CUX1: variants seen among roughly 807,000 people sequenced by gnomAD.
CUX1 encodes protein CASP.
CUX1 carries 31 observed loss-of-function variants against 158.8 expected under a neutral mutation model. That is an observed-to-expected ratio of 0.20 (90% CI 0.15 to 0.26). CUX1 has a LOEUF of 0.26. Among genes scored for constraint, CUX1 ranks in the 10% least tolerant of loss-of-function variants. The pLI is 1.00. For synonymous variants in CUX1, 879 were observed against 862.1 expected (o/e 1.02, Z -0.34); for missense variants, 1,589 against 2,014.6 (o/e 0.79, Z 4.04).
chr7:102,208,662 C>A (rs1796187807), intron 20 of CUX1, among the ~76,000 whole-genome samples: 1 of 152,180 alleles, frequency 6.6e-6, no homozygotes, highest in South Asian at 2.1e-4. Flanking sequence ...AAGCTTCCAG[C>A]AGTGCTGCCC....
chr7:101,996,862 G>T lies in CUX1; in HGVS notation c.142-31236G>T, dbSNP rs1040597755. ...CCGCATACATACCCTTCCACCCTGC[G>T]TCTGCCCATGGAAATCTCGTGTCCC... On this transcript the variant is annotated intron_variant, in intron 2 of 23. Coordinates refer to ENST00000292535, the MANE Select transcript of CUX1 (RefSeq NM_181552.4). Among the ~76,000 whole-genome samples the T allele has an allele frequency of 5.3e-5, 8 of 151,970 alleles. No individual in the cohort carries two copies. The South Asian group carries it at 1.5e-3, about 28-fold the overall frequency.
intron 20 of CUX1, among the ~76,000 whole-genome samples, chr7:102,223,084 A>G (rs1015632942): frequency 3.3e-4 from 50 of 151,458 alleles, no homozygotes; most frequent in African/African-American, 9.9e-4. Flanking sequence ...GATTACAGGC[A>G]TGAGCCACTG....
chr7:101,914,122 G>C (rs1033639538), intron 1 of CUX1, among the ~76,000 whole-genome samples: 1 of 151,618 alleles, frequency 6.6e-6, no homozygotes, highest in African/African-American at 2.4e-5. Flanking sequence ...AAAATGTTCA[G>C]TGTTTCCCTT....
chr7:102,026,892 C>G lies in CUX1; in HGVS notation c.142-1206C>G, dbSNP rs1246999315. ...TCAGTAAATAAGATATTATCTTAGT[C>G]GAGTCTTTTCAAAGTTTTTGAAGCA... On this transcript the variant is annotated intron_variant, in intron 2 of 23. Transcript: ENST00000292535. Among the ~76,000 whole-genome samples the G allele has an allele frequency of 2.0e-5, 3 of 149,266 alleles. No individual in the cohort carries two copies. The East Asian group carries it at 5.9e-4, about 29-fold the overall frequency.
chr7:101,894,275 C>A (rs1331168679), intron 1 of CUX1, among the ~76,000 whole-genome samples: 1 of 152,240 alleles, frequency 6.6e-6, no homozygotes. Flanking sequence ...TCATTCCAAT[C>A]TGCAGAAAGA....
chr7:102,062,264 G>T (rs1215816974), intron 3 of CUX1, among the ~76,000 whole-genome samples: 1 of 152,208 alleles, frequency 6.6e-6, no homozygotes, highest in African/African-American at 2.4e-5. Context: ...GCAGCGATGT[G>T]TGACGCCTCC....
intron 1 of CUX1, among the ~76,000 whole-genome samples, chr7:101,904,748 T>C (rs1483844679): frequency 1.3e-5 from 2 of 152,056 alleles, no homozygotes; most frequent in Admixed American, 6.6e-5. Flanking sequence ...TTTGTATTTT[T>C]AGTAGAGATG....
At chr7:102,277,834 C>G (rs1286211517) in intron 17 of CUX1, 3 of 555,512 alleles carry the variant, frequency 5.4e-6, no homozygotes, top group Non-Finnish European at 9.3e-6. Flanking sequence ...TTTACAGAGT[C>G]AGGCAGGTCA....
chr7:102,273,788 A>G (rs1353308315), intron 15 of CUX1, among the ~76,000 whole-genome samples: 1 of 152,174 alleles, frequency 6.6e-6, no homozygotes, highest in Non-Finnish European at 1.5e-5. Flanking sequence ...AGGACCATGC[A>G]CCCATCTCCC....
At chr7:102,195,653 G>T in intron 14 of CUX1, 50 bp downstream of exon 14, 3 of 1,502,938 alleles carry the variant, frequency 2.0e-6, no homozygotes, top group Non-Finnish European at 2.7e-6. Flanking sequence ...CGCTTCCAGG[G>T]GTCGGTCGAG....
intron 2 of CUX1, among the ~76,000 whole-genome samples, chr7:102,014,680 C>A (rs1203457321): frequency 1.3e-5 from 2 of 152,142 alleles, no homozygotes; most frequent in Non-Finnish European, 2.9e-5. Context: ...TGGGAAGTCT[C>A]TGAGCGTCTT....
At chr7:101,998,374 G>A (rs1394459686) in intron 2 of CUX1, among the ~76,000 whole-genome samples, 1 of 152,240 alleles carries the variant, frequency 6.6e-6, no homozygotes, top group African/African-American at 2.4e-5. Context: ...AGTGTGCACA[G>A]TGTGGATTTC....
chr7:101,913,063 C>T lies in CUX1; in HGVS notation c.31-3052C>T, dbSNP rs957798243. On this transcript the variant is annotated intron_variant, in intron 1 of 23. Transcript: ENST00000292535. The stretch of plus-strand genomic sequence containing the variant: ...AAACAGTATTTGGCTTATGTTTAAT[C>T]GCTGTCTCCTCCCACAGCCCGAGAA... 5.8e-5 allele frequency: 10 copies of T among 171,054 alleles called. No homozygotes were observed. In the East Asian group the frequency reaches 1.5e-3, roughly 25 times the overall value. The allele number at this position is 171,054 out of a possible 1,614,324, so 10.6% of individuals were successfully genotyped here.
chr7:102,160,523 A>T (rs781947652), intron 9 of CUX1, among the ~76,000 whole-genome samples: 1 of 152,190 alleles, frequency 6.6e-6, no homozygotes, highest in South Asian at 2.1e-4. Context: ...ACAAGGCTGT[A>T]GGGACAGGTG....
chr7:101,913,181 C>T (rs1438387369), intron 1 of CUX1: 1 of 257,514 alleles, frequency 3.9e-6, no homozygotes, highest in Non-Finnish European at 7.9e-6. Context: ...GGGACCTGGT[C>T]AAAGATTTCA....
intron 8 of CUX1, among the ~76,000 whole-genome samples, chr7:102,124,534 A>G (rs750363371): frequency 8.5e-5 from 13 of 152,204 alleles, no homozygotes; most frequent in Non-Finnish European, 1.9e-4. Context: ...TGCAACAACA[A>G]CGTGGATTCA....
intron 14 of CUX1, among the ~76,000 whole-genome samples, chr7:102,270,704 C>T (rs1412706427): frequency 1.3e-5 from 2 of 152,236 alleles, no homozygotes; most frequent in South Asian, 2.1e-4. Flanking sequence ...GGAGCTAACC[C>T]AGTGCCCAGA....
At chr7:102,103,193 A>G (rs947236353) in intron 5 of CUX1, among the ~76,000 whole-genome samples, 13 of 152,060 alleles carry the variant, frequency 8.5e-5, no homozygotes, top group Non-Finnish European at 1.5e-4. Flanking sequence ...TCACCGGAGC[A>G]TCTTCCCCCA....
chr7:101,837,654 C>T (rs991269765), intron 1 of CUX1, among the ~76,000 whole-genome samples: 177 of 151,480 alleles, frequency 1.2e-3, no homozygotes, highest in Admixed American at 0.012. Flanking sequence ...CATAGTGAGA[C>T]CCTCTCTACA....
Sources: allele counts gnomAD v4.1 joint callset (sites outside exome capture counted in the v4.1 genomes callset), GRCh38; gene constraint gnomAD v4.1.1; transcripts MANE v1.5; gene names NCBI Gene and HGNC (gene_info 2026-07-23, HGNC 2026-07-21).